The following TRDN variants were observed in gnomAD, a reference collection of about 807,000 sequenced individuals.
TRDN encodes the protein triadin in skeletal muscle.
In TRDN, 161 loss-of-function variants were observed where a neutral mutation model predicts 149.7. The ratio of observed to expected loss-of-function variants is 1.08; its 90% CI spans 0.95 to 1.23. TRDN has a LOEUF of 1.23. Among genes scored for constraint, TRDN ranks in the 50% most tolerant of loss-of-function variants. TRDN has a pLI of 0.00. For missense variants in TRDN, 896 were observed against 823.5 expected, an observed-to-expected ratio of 1.09 and a Z score of -1.08; for synonymous variants, 294 against 250.5, an observed-to-expected ratio of 1.17 and a Z score of -1.64.
intron 8 of TRDN, chr6:123,498,390 T>C (rs1183553782): frequency 3.1e-6 from 1 of 319,608 alleles, no homozygotes; most frequent in African/African-American, 2.2e-5. Context: ...TGTTAGGTCT[T>C]TAAAAAATAA....
intron 1 of TRDN, among the ~76,000 whole-genome samples, chr6:123,587,819 A>C (rs147241430): frequency 0.021 from 3,115 of 150,372 alleles, 105 homozygotes; most frequent in African/African-American, 0.071. Flanking sequence ...TCAGTGGGGG[A>C]GCTTTTGAGC....
rs76871845 is a variant in TRDN at position 123,604,034 on chromosome 6, G to A, written c.22+32720C>T. The stretch of plus-strand genomic sequence containing the variant: ...ATCTGGAATAAACAGATGAGTTACC[G>A]AAAGATTGCTACAACTAACTCAACT... On this transcript the variant is annotated intron_variant, in intron 1 of 40. Transcript: ENST00000334268. Among the ~76,000 whole-genome samples the A allele has an allele frequency of 6.2e-3, 950 of 152,240 alleles. 16 individuals are homozygous for A. The highest frequency in any genetic ancestry group is 0.022 in the African/African-American group (914 of 41,540).
chr6:123,327,150 C>G (rs1280417784), intron 23 of TRDN, among the ~76,000 whole-genome samples: 1 of 152,032 alleles, frequency 6.6e-6, no homozygotes, highest in Non-Finnish European at 1.5e-5. Context: ...TTTATTTTCT[C>G]AATGATACAT....
At chr6:123,466,302 T>A (rs962678599) in intron 9 of TRDN, among the ~76,000 whole-genome samples, 1 of 152,146 alleles carries the variant, frequency 6.6e-6, no homozygotes, top group Non-Finnish European at 1.5e-5. Flanking sequence ...TAGCTAACAA[T>A]TACATAGTGT....
At chr6:123,253,909 A>G (rs1776463500) in intron 37 of TRDN, among the ~76,000 whole-genome samples, 2 of 152,108 alleles carry the variant, frequency 1.3e-5, no homozygotes, top group African/African-American at 4.8e-5. Context: ...TTGTATTTGC[A>G]GCAGCGTAAT....
intron 38 of TRDN, among the ~76,000 whole-genome samples, chr6:123,229,460 GA>G (rs1489334418): frequency 6.6e-6 from 1 of 151,918 alleles, no homozygotes; most frequent in Non-Finnish European, 1.5e-5. Context: ...CTACACTTAA[GA>G]AAAGTGTTAT....
intron 9 of TRDN, among the ~76,000 whole-genome samples, chr6:123,486,706 G>A (rs1320505071): frequency 6.6e-6 from 1 of 151,820 alleles, no homozygotes; most frequent in Non-Finnish European, 1.5e-5. Context: ...CTGGATGTTT[G>A]TGTATGCTTG....
At chr6:123,238,249 C>G (rs1267221670) in intron 38 of TRDN, among the ~76,000 whole-genome samples, 2 of 152,244 alleles carry the variant, frequency 1.3e-5, no homozygotes, top group East Asian at 3.9e-4. Context: ...TAGGCACATA[C>G]TGATTAAACA....
intron 7 of TRDN, chr6:123,509,892 T>A (rs1315897391): frequency 6.6e-6 from 1 of 152,114 alleles, no homozygotes; most frequent in Non-Finnish European, 1.5e-5. Flanking sequence ...TGCACCTGGG[T>A]TTTTAGTCTT....
intron 23 of TRDN, among the ~76,000 whole-genome samples, chr6:123,318,201 A>G (rs1342740489): frequency 6.6e-6 from 1 of 151,712 alleles, no homozygotes; most frequent in Non-Finnish European, 1.5e-5. Flanking sequence ...TCTTTTCTCT[A>G]ATAGTTCTTT....
At chr6:123,352,731 TATAA>T in intron 20 of TRDN, 145 bp from the exon 21 acceptor site, 2 of 1,159,312 alleles carry the variant, frequency 1.7e-6, no homozygotes. Context: ...CTCATTTCTC[TATAA>T]CGCAATTGAA....
At chr6:123,625,978 A>G (rs1246625274) in intron 1 of TRDN, among the ~76,000 whole-genome samples, 1 of 152,176 alleles carries the variant, frequency 6.6e-6, no homozygotes, top group Non-Finnish European at 1.5e-5. Context: ...TCTCTGTAGT[A>G]TGTGACATTC....
At chr6:123,613,667 A>C (rs1466928616) in intron 1 of TRDN, among the ~76,000 whole-genome samples, 1 of 152,224 alleles carries the variant, frequency 6.6e-6, no homozygotes, top group Admixed American at 6.5e-5. Flanking sequence ...TGTGTTAAAA[A>C]GCATCAAAAT....
chr6:123,281,676 C>T (rs1777588857), intron 24 of TRDN, among the ~76,000 whole-genome samples: 1 of 151,994 alleles, frequency 6.6e-6, no homozygotes, highest in Non-Finnish European at 1.5e-5. Context: ...TAAAGCCCAA[C>T]TAGATTAAGA....
chr6:123,265,655 G>A (rs1243780408), intron 32 of TRDN, among the ~76,000 whole-genome samples: 1 of 146,950 alleles, frequency 6.8e-6, no homozygotes, highest in East Asian at 2.0e-4. Flanking sequence ...TTCTGAAATA[G>A]CATAAAATAT....
In TRDN at chr6:123,516,162, T is replaced by A. The variant is rs1468290898; in HGVS notation, c.529A>T (p.Lys177Ter). Residue 177 changes from lysine (K) to a stop codon, truncating the protein, a stop_gained, in exon 6 of 41, where the codon AAA becomes TAA. Coordinates refer to ENST00000334268, the MANE Select transcript of TRDN (RefSeq NM_006073.4). LOFTEE classifies it high-confidence loss of function. ...ATACCTTTCTTTTCAGGTTTTTCTT[T>A]TTCTCTTACTTTTTCTTTTCCTTTT... Reference protein sequence around the residue: ...KEKGKEKVREKEKPEKKATHK... With the variant: ...KEKGKEKVRE 4 of 1,491,934 alleles carry A rather than the reference T, an allele frequency of 2.7e-6. No individual in the cohort carries two copies. The highest frequency in any genetic ancestry group is 2.7e-6 in the Non-Finnish European group (3 of 1,108,820). The allele number at this position is 1,491,934 out of a possible 1,614,324, so 92.4% of individuals were successfully genotyped here.
intron 4 of TRDN, among the ~76,000 whole-genome samples, chr6:123,537,280 T>C (rs7771989): frequency 0.052 from 7,955 of 152,266 alleles, 353 homozygotes; most frequent in African/African-American, 0.12. Context: ...ATAATCTACA[T>C]TCTATTTTGT....
chr6:123,627,316 A>G, intron 1 of TRDN, among the ~76,000 whole-genome samples: 1 of 152,232 alleles, frequency 6.6e-6, no homozygotes, highest in Non-Finnish European at 1.5e-5. Flanking sequence ...GTTAGGCACG[A>G]AAACAACATT....
intron 12 of TRDN, among the ~76,000 whole-genome samples, chr6:123,395,275 A>ATTAGAGCAC (rs1772674357): frequency 6.6e-6 from 1 of 152,090 alleles, no homozygotes; most frequent in Admixed American, 6.5e-5. Flanking sequence ...CTAAGATTCT[A>ATTAGAGCAC]TTAGAGCACG....
Sources: allele counts gnomAD v4.1 joint callset (sites outside exome capture counted in the v4.1 genomes callset), GRCh38; gene constraint gnomAD v4.1.1; transcripts MANE v1.5; gene names NCBI Gene and HGNC (gene_info 2026-07-23, HGNC 2026-07-21).